GRM1: variants seen among roughly 807,000 people sequenced by gnomAD.
The protein encoded by GRM1 is metabotropic glutamate receptor 1.
GRM1 carries 33 observed loss-of-function variants against 90.9 expected under a neutral mutation model. That is an observed-to-expected ratio of 0.36 (90% CI 0.28 to 0.49). The LOEUF is 0.49. Among genes scored for constraint, GRM1 ranks in the 20% least tolerant of loss-of-function variants. GRM1 has a pLI of 0.99. For missense variants in GRM1, 1,190 were observed against 1,534.3 expected (o/e 0.78, Z 3.75); for synonymous variants, 700 against 613.2 (o/e 1.14, Z -2.09).
chr6:146,093,664 A>C (rs1406061560), intron 1 of GRM1, among the ~76,000 whole-genome samples: 1 of 151,940 alleles, frequency 6.6e-6, no homozygotes, highest in East Asian at 1.9e-4. Flanking sequence ...AGAAATTCTA[A>C]ATACTTCAGT....
intron 2 of GRM1, among the ~76,000 whole-genome samples, chr6:146,240,971 G>A (rs1182466475): frequency 6.6e-6 from 1 of 152,026 alleles, no homozygotes. Flanking sequence ...TGAACACAAG[G>A]CCCCTTTGTT....
At chr6:146,112,258 A>G (rs1357672069) in intron 1 of GRM1, among the ~76,000 whole-genome samples, 4 of 151,500 alleles carry the variant, frequency 2.6e-5, no homozygotes, top group Non-Finnish European at 5.9e-5. Flanking sequence ...CTGGAATAAC[A>G]TTCACTTTTG....
intron 1 of GRM1, among the ~76,000 whole-genome samples, chr6:146,038,562 A>G (rs1247903458): frequency 6.6e-6 from 1 of 152,014 alleles, no homozygotes; most frequent in Non-Finnish European, 1.5e-5. Flanking sequence ...TGAAGTAAAT[A>G]CAGGGAAGTT....
At chr6:146,037,083 A>G (rs1222469394) in intron 1 of GRM1, among the ~76,000 whole-genome samples, 1 of 152,012 alleles carries the variant, frequency 6.6e-6, no homozygotes, top group African/African-American at 2.4e-5. Context: ...CATTTGTAAA[A>G]TGGGAATTAT....
chr6:146,435,150 T>C lies in GRM1; in HGVS notation c.*354T>C, dbSNP rs905673341. 1 of 389,418 alleles carries C rather than the reference T, an allele frequency of 2.6e-6. No individual in the cohort carries two copies. Among genetic ancestry groups the C allele is most frequent in the Non-Finnish European group, 4.9e-6 (1 of 204,358 alleles). The allele number at this position is 389,418 out of a possible 1,614,324, so 24.1% of individuals were successfully genotyped here. On this transcript the variant is annotated 3_prime_UTR_variant, in exon 8 of 8. Coordinates refer to ENST00000282753, the MANE Select transcript of GRM1 (RefSeq NM_001278064.2). Reference sequence around the variant, plus strand: ...TCTTTTGCACAATTGTGCATAGATATATATATGCCCACACACACTGGGCCA... The same window carrying C: ...TCTTTTGCACAATTGTGCATAGATACATATATGCCCACACACACTGGGCCA...
intron 1 of GRM1, among the ~76,000 whole-genome samples, chr6:146,091,834 G>A (rs1056549432): frequency 6.6e-6 from 1 of 151,950 alleles, no homozygotes; most frequent in Non-Finnish European, 1.5e-5. Flanking sequence ...TTAATTGGGG[G>A]GAGTTAAAAT....
chr6:146,364,896 A>C (rs1377727197), intron 5 of GRM1: 1 of 152,176 alleles, frequency 6.6e-6, no homozygotes, highest in East Asian at 1.9e-4. Flanking sequence ...CCAGCTAAGA[A>C]AGTTAACAAT....
At chr6:146,152,471 C>T (rs1288182997) in intron 1 of GRM1, among the ~76,000 whole-genome samples, 2 of 151,878 alleles carry the variant, frequency 1.3e-5, no homozygotes, top group Non-Finnish European at 2.9e-5. Context: ...TGCCTTCACA[C>T]CTATACTGTA....
In GRM1 at chr6:146,435,165, A is replaced by G. The variant is rs1348800679; in HGVS notation, c.*369A>G. On this transcript the variant is annotated 3_prime_UTR_variant, in exon 8 of 8. Coordinates refer to ENST00000282753, the MANE Select transcript of GRM1 (RefSeq NM_001278064.2). ...TGCATAGATATATATATGCCCACAC[A>G]CACTGGGCCATGCTTGCCAAGGAAC... The G allele has an allele frequency of 5.6e-6, 2 of 360,340 alleles. No homozygotes were observed. The highest frequency in any genetic ancestry group is 4.2e-5 in the African/African-American group (2 of 47,364). 22.3% of individuals were successfully genotyped at this position (360,340 alleles called of 1,614,324 possible).
intron 3 of GRM1, among the ~76,000 whole-genome samples, chr6:146,343,663 T>TATG (rs1491395758): frequency 4.0e-5 from 6 of 148,924 alleles, no homozygotes; most frequent in African/African-American, 1.5e-4. Flanking sequence ...TTTTATTTAT[T>TATG]ATTATTATTA....
chr6:146,237,468 G>GTTATTTGTAAAATATTTTTACAAATAA, intron 2 of GRM1, among the ~76,000 whole-genome samples: 1 of 145,712 alleles, frequency 6.9e-6, no homozygotes, highest in Middle Eastern at 3.7e-3. Context: ...TTTACAAATA[G>GTTATTTGTAAAATATTTTTACAAATAA]TTATTTGTAA....
At chr6:146,214,245 C>T (rs1368755355) in intron 2 of GRM1, among the ~76,000 whole-genome samples, 2 of 152,156 alleles carry the variant, frequency 1.3e-5, no homozygotes, top group Non-Finnish European at 1.5e-5. Flanking sequence ...CTCTATAATA[C>T]TCCATGCTAT....
At chr6:146,061,945 C>T (rs573853132) in intron 1 of GRM1, among the ~76,000 whole-genome samples, 5 of 151,956 alleles carry the variant, frequency 3.3e-5, no homozygotes, top group African/African-American at 1.2e-4. Flanking sequence ...GGTGATTCCT[C>T]GAGGATCTAG....
chr6:146,232,089 T>A (rs916145776), intron 2 of GRM1, among the ~76,000 whole-genome samples: 1 of 152,156 alleles, frequency 6.6e-6, no homozygotes, highest in Non-Finnish European at 1.5e-5. Context: ...TTCAATTTTT[T>A]AAATAGAGAT....
chr6:146,356,025 G>C (rs1338123914), intron 4 of GRM1, among the ~76,000 whole-genome samples: 1 of 152,068 alleles, frequency 6.6e-6, no homozygotes, highest in East Asian at 1.9e-4. Flanking sequence ...TGCAGCTTTG[G>C]GAAACTGCAG....
chr6:146,116,503 C>A (rs1445597218), intron 1 of GRM1, among the ~76,000 whole-genome samples: 1 of 152,054 alleles, frequency 6.6e-6, no homozygotes, highest in Non-Finnish European at 1.5e-5. Flanking sequence ...ATGTGCTTTA[C>A]TCATATATTG....
intron 7 of GRM1, among the ~76,000 whole-genome samples, chr6:146,419,747 A>C (rs1195528389): frequency 6.6e-6 from 1 of 152,134 alleles, no homozygotes; most frequent in Non-Finnish European, 1.5e-5. Flanking sequence ...GAAGTGCCAC[A>C]CACCTTCAAA....
At chr6:146,393,208 T>A (rs111998897) in intron 6 of GRM1, among the ~76,000 whole-genome samples, 7,533 of 152,212 alleles carry the variant, frequency 0.049, 265 homozygotes, top group African/African-American at 0.097. Context: ...GTTTCCTGAC[T>A]TTTTAATGAT....
rs765561781 is a variant in GRM1, at chr6:146,378,706, G to A, written c.1603-8184G>A. On this transcript the variant is annotated intron_variant, in intron 5 of 7. Transcript: ENST00000282753. The stretch of plus-strand genomic sequence containing the variant: ...CTTGCCTTGTCTCAGATGAGACTTT[G>A]GAGTGTGGACTTTTGAGTTAATTCT... 2.0e-4 allele frequency among the ~76,000 whole-genome samples: 31 copies of A among 152,124 alleles called. 1 individual carries two copies. Among genetic ancestry groups the A allele is most frequent in the Admixed American group, 6.5e-4 (10 of 15,270 alleles).
Sources: allele counts gnomAD v4.1 joint callset (sites outside exome capture counted in the v4.1 genomes callset), GRCh38; gene constraint gnomAD v4.1.1; transcripts MANE v1.5; gene names NCBI Gene and HGNC (gene_info 2026-07-23, HGNC 2026-07-21).